Variants in SGCZ observed in about 807,000 individuals in gnomAD.
SGCZ encodes sarcoglycan zeta.
A neutral mutation model predicts 41.3 loss-of-function variants in SGCZ; 40 were observed. The observed-to-expected ratio is 0.97, with a 90% CI of 0.75 to 1.26. SGCZ has a LOEUF of 1.26. Among genes scored for constraint, SGCZ ranks in the 50% most tolerant of loss-of-function variants. SGCZ has a pLI of 0.00. For missense variants in SGCZ, 552 were observed against 369.8 expected (o/e 1.49, Z -4.04); for synonymous variants, 206 against 137.5 (o/e 1.50, Z -3.49).
chr8:14,300,157 G>C (rs1738252268), intron 3 of SGCZ, among the ~76,000 whole-genome samples: 1 of 151,796 alleles, frequency 6.6e-6, no homozygotes, highest in Non-Finnish European at 1.5e-5. Flanking sequence ...AGGATGTATA[G>C]TTATGAATTA....
intron 1 of SGCZ, among the ~76,000 whole-genome samples, chr8:14,762,872 G>C (rs1345117880): frequency 1.3e-5 from 2 of 152,256 alleles, no homozygotes; most frequent in Non-Finnish European, 2.9e-5. Context: ...GATAGAAAGA[G>C]CATAGGGTTT....
intron 1 of SGCZ, among the ~76,000 whole-genome samples, chr8:15,069,811 T>C (rs1406989335): frequency 3.3e-5 from 5 of 152,166 alleles, no homozygotes; most frequent in African/African-American, 9.7e-5. Context: ...AAAAATGCAA[T>C]ACATCTTTGA....
chr8:14,346,019 A>G (rs1251397147), intron 2 of SGCZ, among the ~76,000 whole-genome samples: 1 of 152,102 alleles, frequency 6.6e-6, no homozygotes, highest in South Asian at 2.1e-4. Context: ...ATGTCATTGT[A>G]TATTTGTCAA....
chr8:14,910,595 A>G (rs1455823964), intron 1 of SGCZ, among the ~76,000 whole-genome samples: 1 of 151,940 alleles, frequency 6.6e-6, no homozygotes, highest in African/African-American at 2.4e-5. Context: ...TGAATCTAGA[A>G]TTCTAGTTCA....
intron 3 of SGCZ, among the ~76,000 whole-genome samples, chr8:14,242,396 A>T (rs1464898201): frequency 6.6e-6 from 1 of 152,190 alleles, no homozygotes; most frequent in African/African-American, 2.4e-5. Flanking sequence ...TCAAGATAAT[A>T]ACATGATTGT....
intron 4 of SGCZ, among the ~76,000 whole-genome samples, chr8:14,226,171 A>C (rs1349316805): frequency 6.6e-6 from 1 of 152,084 alleles, no homozygotes; most frequent in Non-Finnish European, 1.5e-5. Flanking sequence ...TGAAGAAAAT[A>C]TTAGTATTCA....
chr8:14,251,796 T>A (rs985765662), intron 3 of SGCZ, among the ~76,000 whole-genome samples: 1 of 152,124 alleles, frequency 6.6e-6, no homozygotes, highest in Admixed American at 6.6e-5. Context: ...TGGCCTGGGA[T>A]ACTTTGCCTC....
chr8:14,906,662 C>A (rs1585367364), intron 1 of SGCZ, among the ~76,000 whole-genome samples: 1 of 152,276 alleles, frequency 6.6e-6, no homozygotes, highest in East Asian at 1.9e-4. Context: ...CTCACCAGTA[C>A]TGAAATCAAC....
intron 1 of SGCZ, among the ~76,000 whole-genome samples, chr8:14,942,325 A>C (rs532597396): frequency 6.6e-6 from 1 of 152,172 alleles, no homozygotes; most frequent in Admixed American, 6.5e-5. Context: ...TACATTTACC[A>C]TGAGAAATAA....
chr8:14,781,067 T>C (rs1236942392), intron 1 of SGCZ, among the ~76,000 whole-genome samples: 1 of 152,190 alleles, frequency 6.6e-6, no homozygotes, highest in East Asian at 1.9e-4. Flanking sequence ...AGTTAGTGTA[T>C]ATGCCTGAGG....
intron 1 of SGCZ, among the ~76,000 whole-genome samples, chr8:14,635,150 C>T (rs191139205): frequency 4.7e-4 from 72 of 151,832 alleles, no homozygotes; most frequent in African/African-American, 1.7e-3. Flanking sequence ...GCTATTCATT[C>T]GCAGCTGTCA....
chr8:15,085,382 C>A (rs1805910777), intron 1 of SGCZ, among the ~76,000 whole-genome samples: 1 of 152,170 alleles, frequency 6.6e-6, no homozygotes, highest in Non-Finnish European at 1.5e-5. Flanking sequence ...CTCTTAGACA[C>A]ACGTGCTGAA....
chr8:14,230,569 T>C (rs977795031), intron 4 of SGCZ, among the ~76,000 whole-genome samples: 1 of 152,042 alleles, frequency 6.6e-6, no homozygotes, highest in Non-Finnish European at 1.5e-5. Context: ...GAAGTATACG[T>C]CCTTCCTAAA....
intron 1 of SGCZ, among the ~76,000 whole-genome samples, chr8:15,009,738 T>G (rs1322883460): frequency 6.6e-6 from 1 of 152,206 alleles, no homozygotes; most frequent in Non-Finnish European, 1.5e-5. Context: ...ACACTCTTCA[T>G]ATCTATATGA....
intron 1 of SGCZ, among the ~76,000 whole-genome samples, chr8:14,842,175 G>A (rs1802944418): frequency 6.6e-6 from 1 of 152,142 alleles, no homozygotes; most frequent in Admixed American, 6.6e-5. Flanking sequence ...TAAATCTTCT[G>A]AAGTAAATGG....
At chr8:14,360,488 G>C (rs1803471984) in intron 2 of SGCZ, among the ~76,000 whole-genome samples, 1 of 151,940 alleles carries the variant, frequency 6.6e-6, no homozygotes, top group Non-Finnish European at 1.5e-5. Flanking sequence ...ACCACACCCA[G>C]CTAATTTCTG....
In SGCZ at chr8:14,564,609, G is replaced by A. The variant is rs73533185; in HGVS notation, c.40-9683C>T. 8.2e-3 allele frequency among the ~76,000 whole-genome samples: 1,248 copies of A among 152,170 alleles called. 11 individuals carry two copies. Among genetic ancestry groups the A allele is most frequent in the African/African-American group, 0.028 (1,182 of 41,522 alleles). On this transcript the variant is annotated intron_variant, in intron 1 of 7. Coordinates refer to ENST00000382080, the MANE Select transcript of SGCZ (RefSeq NM_139167.4). ...AAAGTACTCATTTTTAAAATGTATC[G>A]TCTACCCCTTAGCTAGTGATCCCCT...
At chr8:14,350,102 A>G (rs924804827) in intron 2 of SGCZ, among the ~76,000 whole-genome samples, 2 of 152,134 alleles carry the variant, frequency 1.3e-5, no homozygotes. Context: ...GTGACTTGGA[A>G]AATGTCTTTG....
In SGCZ at chr8:14,742,700, T is replaced by C. The variant is rs1485990415; in HGVS notation, c.40-187774A>G. Among the ~76,000 whole-genome samples, 3 of 152,104 alleles carry C rather than the reference T, an allele frequency of 2.0e-5. 1 individual carries two copies. Among genetic ancestry groups the C allele is most frequent in the Non-Finnish European group, 4.4e-5 (3 of 68,002 alleles). On this transcript the variant is annotated intron_variant, in intron 1 of 7. Transcript: ENST00000382080. ...CCAGTGTACTTAAGGAAAGGGAAGATGCTCATTGATACAAATACTCCTGAG... is the reference window on the plus strand; with the variant it reads ...CCAGTGTACTTAAGGAAAGGGAAGACGCTCATTGATACAAATACTCCTGAG...
Sources: allele counts gnomAD v4.1 joint callset (sites outside exome capture counted in the v4.1 genomes callset), GRCh38; gene constraint gnomAD v4.1.1; transcripts MANE v1.5; gene names NCBI Gene and HGNC (gene_info 2026-07-23, HGNC 2026-07-21).